Variants in SPAG16 observed in about 807,000 individuals in gnomAD.
The protein encoded by SPAG16 is sperm-associated antigen 16 protein.
In SPAG16, 86 loss-of-function variants were observed where a neutral mutation model predicts 80.4. That is an observed-to-expected ratio of 1.07 (90% CI 0.90 to 1.28). The LOEUF (loss-of-function observed/expected upper bound fraction) is 1.28. Among genes scored for constraint, SPAG16 ranks in the 50% most tolerant of loss-of-function variants. The pLI is 0.00. For missense variants in SPAG16, 870 were observed against 765.3 expected (o/e 1.14, Z -1.61); for synonymous variants, 294 against 265.9 (o/e 1.11, Z -1.03).
intron 10 of SPAG16, among the ~76,000 whole-genome samples, chr2:213,809,467 G>C (rs2071986565): frequency 6.6e-6 from 1 of 152,096 alleles, no homozygotes; most frequent in African/African-American, 2.4e-5. Context: ...TAATAACACA[G>C]TAGCTCTAAA....
At chr2:213,869,265 A>AAAAAAAAAAAAAAATAAATATAAATACG (rs1491244962) in intron 11 of SPAG16, among the ~76,000 whole-genome samples, 1 of 24,806 alleles carries the variant, frequency 4.0e-5, no homozygotes, top group Admixed American at 8.3e-4. Flanking sequence ...AAAAAAAAAA[A>AAAAAAAAAAAAAAATAAATATAAATACG]TATATATATA....
At chr2:214,014,166 T>C in intron 13 of SPAG16, 89 bp downstream of exon 13, 1 of 1,520,294 alleles carries the variant, frequency 6.6e-7, no homozygotes, top group South Asian at 1.2e-5. Flanking sequence ...ACTTAAAAAG[T>C]GATTGTGCAA....
At chr2:213,314,798 AG>A (rs1211224337) in intron 4 of SPAG16, among the ~76,000 whole-genome samples, 10 of 151,908 alleles carry the variant, frequency 6.6e-5, no homozygotes, top group Non-Finnish European at 1.5e-4. Flanking sequence ...GGTCAGAAAA[AG>A]CCTATGTCTT....
chr2:214,329,434 A>C (rs565751356), intron 15 of SPAG16, among the ~76,000 whole-genome samples: 1 of 152,280 alleles, frequency 6.6e-6, no homozygotes, highest in Non-Finnish European at 1.5e-5. Flanking sequence ...AATAGATAAC[A>C]TAGAATCAAA....
At chr2:213,791,785 G>A (rs2070717207) in intron 10 of SPAG16, among the ~76,000 whole-genome samples, 1 of 152,138 alleles carries the variant, frequency 6.6e-6, no homozygotes, top group Non-Finnish European at 1.5e-5. Context: ...AGGATTAGGA[G>A]TGAGTATAAA....
intron 10 of SPAG16, among the ~76,000 whole-genome samples, chr2:213,515,615 C>T (rs931318958): frequency 1.3e-5 from 2 of 151,996 alleles, no homozygotes; most frequent in African/African-American, 4.8e-5. Context: ...TATACTTATG[C>T]CTGGGGGAAA....
intron 15 of SPAG16, among the ~76,000 whole-genome samples, chr2:214,334,736 A>T (rs956880463): frequency 2.0e-5 from 3 of 152,130 alleles, no homozygotes; most frequent in Admixed American, 6.5e-5. Context: ...TCATTTCCAG[A>T]TTGCTTACTG....
intron 12 of SPAG16, among the ~76,000 whole-genome samples, chr2:213,974,753 A>G (rs1175660613): frequency 6.6e-6 from 1 of 152,004 alleles, no homozygotes; most frequent in Non-Finnish European, 1.5e-5. Flanking sequence ...TACCATTTTT[A>G]TCATATCATT....
chr2:213,573,321 T>G lies in SPAG16; in HGVS notation c.1070+83231T>G, dbSNP rs547175265. On this transcript the variant is annotated intron_variant, in intron 10 of 15. Transcript: ENST00000331683. ...ATTTCAGTTTTTAATCCTTGATTAA[T>G]TCTAATTACCTAGAACAATCATTTT... Among the ~76,000 whole-genome samples the G allele has an allele frequency of 3.9e-5, 6 of 152,376 alleles. No individual in the cohort carries two copies. The South Asian group carries it at 1.2e-3, about 32-fold the overall frequency.
At chr2:213,835,499 C>A (rs1291257837) in intron 10 of SPAG16, among the ~76,000 whole-genome samples, 2 of 152,140 alleles carry the variant, frequency 1.3e-5, no homozygotes, top group Non-Finnish European at 2.9e-5. Context: ...ACTTTATGCC[C>A]TGGTCACATT....
At chr2:214,125,962 G>A (rs773120040) in intron 14 of SPAG16, among the ~76,000 whole-genome samples, 1 of 146,740 alleles carries the variant, frequency 6.8e-6, no homozygotes, top group Non-Finnish European at 1.5e-5. Flanking sequence ...ACCGAGGGAA[G>A]AAATCCAGTA....
At chr2:213,730,959 A>T (rs775932821) in intron 10 of SPAG16, among the ~76,000 whole-genome samples, 2 of 152,150 alleles carry the variant, frequency 1.3e-5, no homozygotes, top group Admixed American at 6.5e-5. Context: ...ACTACTAATG[A>T]GTCCATCAAA....
At chr2:214,409,052 TTAC>T (rs1165168323) in intron 15 of SPAG16, among the ~76,000 whole-genome samples, 52 of 151,560 alleles carry the variant, frequency 3.4e-4, no homozygotes, top group African/African-American at 1.2e-3. Context: ...AAAATATTAG[TTAC>T]TACTATTAGT....
intron 13 of SPAG16, among the ~76,000 whole-genome samples, chr2:214,100,016 C>G (rs534392780): frequency 6.6e-6 from 1 of 152,060 alleles, no homozygotes; most frequent in South Asian, 2.1e-4. Context: ...CTCATAATCC[C>G]CATGTGTCGA....
chr2:214,039,305 A>C (rs1244338648), intron 13 of SPAG16, among the ~76,000 whole-genome samples: 1 of 152,080 alleles, frequency 6.6e-6, no homozygotes, highest in Non-Finnish European at 1.5e-5. Context: ...GATGATGAGC[A>C]TTTTTTCATG....
chr2:214,284,797 C>G (rs1388314394), intron 15 of SPAG16, among the ~76,000 whole-genome samples: 2 of 149,754 alleles, frequency 1.3e-5, no homozygotes, highest in East Asian at 3.9e-4. Context: ...ATATTTTACT[C>G]TGTGTGTGTG....
At chr2:214,100,326 T>A (rs750354147) in intron 13 of SPAG16, among the ~76,000 whole-genome samples, 1 of 152,090 alleles carries the variant, frequency 6.6e-6, no homozygotes, top group East Asian at 1.9e-4. Flanking sequence ...AATATAAAAA[T>A]TGATTTAACA....
chr2:214,117,792 A>G (rs535285471), intron 14 of SPAG16, among the ~76,000 whole-genome samples: 63 of 152,336 alleles, frequency 4.1e-4, no homozygotes, highest in African/African-American at 1.3e-3. Flanking sequence ...AAAGCATTCA[A>G]TAAAATTCAC....
chr2:214,405,588 G>T (rs1701951106), intron 15 of SPAG16, among the ~76,000 whole-genome samples: 1 of 152,142 alleles, frequency 6.6e-6, no homozygotes, highest in Admixed American at 6.5e-5. Flanking sequence ...CTGAGGTCAG[G>T]AGTTCAAGAC....
Sources: allele counts gnomAD v4.1 joint callset (sites outside exome capture counted in the v4.1 genomes callset), GRCh38; gene constraint gnomAD v4.1.1; transcripts MANE v1.5; gene names NCBI Gene and HGNC (gene_info 2026-07-23, HGNC 2026-07-21).